CDH8: variants seen among roughly 807,000 people sequenced by gnomAD.
CDH8 encodes the protein cadherin 8, also known as cadherin-8.
Under a neutral mutation model 68.1 loss-of-function variants are expected in CDH8, and 17 were observed. The ratio of observed to expected loss-of-function variants is 0.25; its 90% confidence interval spans 0.17 to 0.37. CDH8 has a LOEUF of 0.37. Among genes scored for constraint, CDH8 ranks in the 10% least tolerant of loss-of-function variants. The probability of loss-of-function intolerance (pLI) is 1.00; values close to 1 mark genes in which losing one functional copy is unlikely to be tolerated. For synonymous variants in CDH8, 372 were observed against 365.1 expected (o/e 1.02, Z -0.21); for missense variants, 763 against 999.3 (o/e 0.76, Z 3.19).
Position 61,789,336 on chromosome 16 carries a change from A to C in CDH8, c.1414+10T>G. On this transcript the variant is annotated intron_variant, in intron 8 of 11. Transcript: ENST00000577390. ...ACACAAGGAAGAAATGAACAAATCC[A>C]GGCACTTACTAATTTCAGTAGCAAT... The C allele has an allele frequency of 1.2e-6, 2 of 1,607,180 alleles. No homozygotes were observed. Among genetic ancestry groups the C allele is most frequent in the South Asian group, 2.2e-5 (2 of 90,168 alleles).
At chr16:61,801,043 C>T (rs1300362422) in intron 7 of CDH8, among the ~76,000 whole-genome samples, 1 of 151,756 alleles carries the variant, frequency 6.6e-6, no homozygotes, top group Non-Finnish European at 1.5e-5. Flanking sequence ...CTTTGTTTCT[C>T]TCAGAATATA....
At chr16:61,737,566 T>C (rs1959732657) in intron 8 of CDH8, among the ~76,000 whole-genome samples, 4 of 152,070 alleles carry the variant, frequency 2.6e-5, no homozygotes, top group Non-Finnish European at 5.9e-5. Context: ...AGACGAAACT[T>C]TTTGAGACAC....
chr16:61,813,280 A>T (rs1449404460), intron 7 of CDH8, among the ~76,000 whole-genome samples: 1 of 152,180 alleles, frequency 6.6e-6, no homozygotes, highest in African/African-American at 2.4e-5. Context: ...CACAAGGAAA[A>T]GAAAGGACTG....
At chr16:61,768,900 TCAAA>T (rs1210491181) in intron 8 of CDH8, among the ~76,000 whole-genome samples, 2 of 151,820 alleles carry the variant, frequency 1.3e-5, no homozygotes, top group South Asian at 2.1e-4. Flanking sequence ...GCATCAGTTC[TCAAA>T]CAATTTGGTC....
At chr16:61,990,283 T>A (rs1965692890) in intron 2 of CDH8, among the ~76,000 whole-genome samples, 1 of 150,840 alleles carries the variant, frequency 6.6e-6, no homozygotes, top group Admixed American at 6.6e-5. Flanking sequence ...ATGTACATAG[T>A]AATAAGATTC....
intron 7 of CDH8, among the ~76,000 whole-genome samples, chr16:61,810,490 G>A (rs1362426326): frequency 6.6e-6 from 1 of 151,994 alleles, no homozygotes; most frequent in Non-Finnish European, 1.5e-5. Context: ...GAGAGAGAGA[G>A]AGAGAGAAAG....
intron 2 of CDH8, among the ~76,000 whole-genome samples, chr16:61,906,072 AAG>A (rs1468825603): frequency 6.6e-6 from 1 of 152,106 alleles, no homozygotes; most frequent in Non-Finnish European, 1.5e-5. Context: ...AAATAAGAAT[AAG>A]AGAGCAAGAC....
At chr16:61,816,907 A>T (rs1476852714) in intron 7 of CDH8, among the ~76,000 whole-genome samples, 4 of 152,182 alleles carry the variant, frequency 2.6e-5, no homozygotes, top group African/African-American at 7.2e-5. Flanking sequence ...AAAGATTTTT[A>T]TCTAGGAGAC....
intron 9 of CDH8, among the ~76,000 whole-genome samples, chr16:61,724,463 T>C (rs1959284734): frequency 6.6e-6 from 1 of 150,646 alleles, no homozygotes; most frequent in South Asian, 2.1e-4. Flanking sequence ...TAGGCCCTTT[T>C]GGTCCAGAGA....
intron 7 of CDH8, among the ~76,000 whole-genome samples, chr16:61,809,393 C>T (rs1465865886): frequency 6.6e-6 from 1 of 151,992 alleles, no homozygotes; most frequent in Non-Finnish European, 1.5e-5. Flanking sequence ...AATGAGAACA[C>T]ATGGACACAG....
rs775341218 is a variant in CDH8 at position 61,789,491 on chromosome 16, C to A, written c.1278-9G>T. ...GCCGGTCGATGGAAAACCTACAAAA[C>A]AGACACATCTGTAATCTACTTCAAT... On this transcript the variant is annotated splice_polypyrimidine_tract_variant and intron_variant, in intron 7 of 11. Coordinates refer to ENST00000577390, the MANE Select transcript of CDH8 (RefSeq NM_001796.5). 2 of 1,611,734 alleles carry A rather than the reference C, an allele frequency of 1.2e-6. No homozygotes were observed. The highest frequency in any genetic ancestry group is 1.1e-5 in the South Asian group (1 of 90,896).
At chr16:61,772,281 G>T (rs750955830) in intron 8 of CDH8, among the ~76,000 whole-genome samples, 42 of 151,974 alleles carry the variant, frequency 2.8e-4, no homozygotes, top group Non-Finnish European at 5.4e-4. Context: ...CTGTGGAAAG[G>T]TTGGGCCATC....
At chr16:61,673,987 G>A (rs187310018) in intron 10 of CDH8, among the ~76,000 whole-genome samples, 43 of 152,126 alleles carry the variant, frequency 2.8e-4, no homozygotes, top group African/African-American at 1.0e-3. Context: ...AACAACTACT[G>A]GGATAAAATA....
At chr16:61,989,909 G>A (rs919049243) in intron 2 of CDH8, among the ~76,000 whole-genome samples, 3 of 152,124 alleles carry the variant, frequency 2.0e-5, no homozygotes, top group African/African-American at 7.2e-5. Context: ...AACCCAGAAT[G>A]CAAACTTCTG....
intron 7 of CDH8, among the ~76,000 whole-genome samples, chr16:61,801,081 G>C (rs1259803585): frequency 1.3e-5 from 2 of 151,494 alleles, no homozygotes; most frequent in African/African-American, 2.4e-5. Context: ...TTGTTCCCTA[G>C]AGAATACAGA....
chr16:61,853,150 A>G (rs771159115), intron 4 of CDH8, among the ~76,000 whole-genome samples: 2 of 152,088 alleles, frequency 1.3e-5, no homozygotes, highest in Admixed American at 1.3e-4. Context: ...AACAAATGGT[A>G]TATCTCTCTG....
chr16:61,814,303 A>C (rs1397112053), intron 7 of CDH8, among the ~76,000 whole-genome samples: 3 of 152,218 alleles, frequency 2.0e-5, no homozygotes, highest in Non-Finnish European at 4.4e-5. Flanking sequence ...CATTAGTGAA[A>C]GACATAGTAT....
At chr16:61,930,970 T>C (rs1964531624) in intron 2 of CDH8, among the ~76,000 whole-genome samples, 1 of 152,104 alleles carries the variant, frequency 6.6e-6, no homozygotes, top group Non-Finnish European at 1.5e-5. Flanking sequence ...CCAAATTGGG[T>C]TTGACTAGCT....
chr16:61,887,812 A>C (rs1293947331), intron 3 of CDH8, among the ~76,000 whole-genome samples: 1 of 152,046 alleles, frequency 6.6e-6, no homozygotes, highest in African/African-American at 2.4e-5. Context: ...CTGATATTAT[A>C]ATCTTTATAT....
Sources: allele counts gnomAD v4.1 joint callset (sites outside exome capture counted in the v4.1 genomes callset), GRCh38; gene constraint gnomAD v4.1.1; transcripts MANE v1.5; gene names NCBI Gene and HGNC (gene_info 2026-07-23, HGNC 2026-07-21).